TMEM135: variants seen among roughly 807,000 people sequenced by gnomAD.
TMEM135 encodes the protein peroxisomal membrane protein 52.
A neutral mutation model predicts 60.3 loss-of-function variants in TMEM135; 30 were observed. That is an observed-to-expected ratio of 0.50 (90% CI 0.37 to 0.68). TMEM135 has a LOEUF of 0.68. TMEM135 is among the 30% of genes least tolerant of loss of function. The pLI is 0.00. For missense variants in TMEM135, 468 were observed against 548.8 expected, an observed-to-expected ratio of 0.85 and a Z score of 1.47; for synonymous variants, 190 against 186.7, an observed-to-expected ratio of 1.02 and a Z score of -0.14.
At chr11:87,278,947 A>G (rs4337063) in intron 6 of TMEM135, among the ~76,000 whole-genome samples, 55,653 of 151,880 alleles carry the variant, frequency 0.37, 10,865 homozygotes, top group Non-Finnish European at 0.43. Flanking sequence ...CAGTGGAATC[A>G]TACAGTATGC....
intron 5 of TMEM135, among the ~76,000 whole-genome samples, chr11:87,230,739 T>A (rs558405891): frequency 6.6e-6 from 1 of 152,210 alleles, no homozygotes; most frequent in South Asian, 2.1e-4. Context: ...CTTTTTGCAG[T>A]GATGAGAATG....
chr11:87,126,743 A>G (rs1565452725), intron 4 of TMEM135, among the ~76,000 whole-genome samples: 3 of 152,148 alleles, frequency 2.0e-5, no homozygotes, highest in African/African-American at 4.8e-5. Context: ...CAAATGCTAT[A>G]GAAATACTAG....
intron 5 of TMEM135, among the ~76,000 whole-genome samples, chr11:87,208,534 C>A (rs948572193): frequency 6.6e-6 from 1 of 152,144 alleles, no homozygotes. Flanking sequence ...TTTTAAAAAA[C>A]AACACCTCTA....
chr11:87,222,181 CAAA>C (rs386374401), intron 5 of TMEM135, among the ~76,000 whole-genome samples: 2 of 55,476 alleles, frequency 3.6e-5, no homozygotes, highest in African/African-American at 6.2e-5. Context: ...GACTCTGTCT[CAAA>C]AAAAAAAAAA....
chr11:87,239,634 G>A (rs954388820), intron 6 of TMEM135, among the ~76,000 whole-genome samples: 1 of 151,986 alleles, frequency 6.6e-6, no homozygotes, highest in African/African-American at 2.4e-5. Context: ...TTGAGAAGAG[G>A]ATAGGGAAGA....
chr11:87,167,920 G>T (rs74802585), intron 5 of TMEM135, among the ~76,000 whole-genome samples: 1 of 151,990 alleles, frequency 6.6e-6, no homozygotes, highest in African/African-American at 2.4e-5. Flanking sequence ...TAGAATTCAG[G>T]TGTGAATCTG....
rs766415049 is a variant in TMEM135 at position 87,219,103 on chromosome 11, T to C, written c.463-17535T>C. Among the ~76,000 whole-genome samples, 65 of 152,358 alleles carry C rather than the reference T, an allele frequency of 4.3e-4. No individual in the cohort carries two copies. In the Middle Eastern group the frequency reaches 0.014, roughly 32 times the overall value. The stretch of plus-strand genomic sequence containing the variant: ...AATTAAAACATTAGAAATATTTACA[T>C]GCATTTATATGTAGCTAATTAGAGC... On this transcript the variant is annotated intron_variant, in intron 5 of 14. Coordinates refer to ENST00000305494, the MANE Select transcript of TMEM135 (RefSeq NM_022918.4).
intron 5 of TMEM135, among the ~76,000 whole-genome samples, chr11:87,169,465 C>T (rs1939167140): frequency 6.6e-6 from 1 of 151,746 alleles, no homozygotes; most frequent in Non-Finnish European, 1.5e-5. Context: ...ATATTTAGTG[C>T]TTCCTTCAGG....
At chr11:87,061,969 G>T (rs542344503) in intron 1 of TMEM135, among the ~76,000 whole-genome samples, 16 of 152,176 alleles carry the variant, frequency 1.1e-4, no homozygotes, top group African/African-American at 3.6e-4. Context: ...ACTCATGCCT[G>T]GAATATTTGT....
intron 6 of TMEM135, among the ~76,000 whole-genome samples, chr11:87,240,840 C>T (rs470149): frequency 6.6e-6 from 1 of 151,864 alleles, no homozygotes; most frequent in South Asian, 2.1e-4. Context: ...CTTTCCACAT[C>T]CCTTTGCAAA....
At chr11:87,241,629 A>G (rs778643503) in intron 6 of TMEM135, among the ~76,000 whole-genome samples, 19 of 152,008 alleles carry the variant, frequency 1.2e-4, no homozygotes, top group Admixed American at 5.9e-4. Context: ...TTTTGTACTC[A>G]TTAACAAACT....
intron 3 of TMEM135, among the ~76,000 whole-genome samples, chr11:87,076,192 GA>G (rs1169402164): frequency 6.6e-6 from 1 of 152,198 alleles, no homozygotes; most frequent in Non-Finnish European, 1.5e-5. Flanking sequence ...ATAGGAGTAA[GA>G]AAAGTTTGCC....
chr11:87,091,084 C>CA (rs1268748833), intron 3 of TMEM135, among the ~76,000 whole-genome samples: 2 of 151,888 alleles, frequency 1.3e-5, no homozygotes, highest in African/African-American at 4.8e-5. Flanking sequence ...TTGCCAATAA[C>CA]AAATAACAAT....
intron 5 of TMEM135, among the ~76,000 whole-genome samples, chr11:87,230,098 C>CGAG: frequency 6.6e-6 from 1 of 152,020 alleles, no homozygotes; most frequent in Non-Finnish European, 1.5e-5. Flanking sequence ...CCTTCCTCAT[C>CGAG]ATCCCTTAGT....
Position 87,323,975 on chromosome 11 carries a change from T to A in TMEM135, c.*2642T>A, listed in dbSNP as rs1245129097. ...TGCCTTCATTCGTTGTTTAGTCAGT[T>A]GTTATTTAATTTAGAATTTTATATT... On this transcript the variant is annotated 3_prime_UTR_variant, in exon 15 of 15. Coordinates refer to ENST00000305494, the MANE Select transcript of TMEM135 (RefSeq NM_022918.4). 4.4e-6 allele frequency: 2 copies of A among 453,848 alleles called. No homozygotes were observed. The highest frequency in any genetic ancestry group is 8.8e-6 in the Non-Finnish European group (2 of 226,774). 28.1% of individuals were successfully genotyped at this position (453,848 alleles called of 1,614,324 possible).
intron 5 of TMEM135, among the ~76,000 whole-genome samples, chr11:87,194,946 A>C (rs977481291): frequency 6.6e-6 from 1 of 152,210 alleles, no homozygotes; most frequent in Non-Finnish European, 1.5e-5. Flanking sequence ...TATGTTACTT[A>C]ATGAATGCTT....
intron 5 of TMEM135, among the ~76,000 whole-genome samples, chr11:87,196,385 A>C (rs1055421543): frequency 5.3e-5 from 8 of 152,258 alleles, no homozygotes; most frequent in African/African-American, 1.9e-4. Context: ...ATTTTAAAAA[A>C]AATTTCTAAG....
intron 6 of TMEM135, among the ~76,000 whole-genome samples, chr11:87,272,202 C>T (rs909096535): frequency 3.3e-5 from 5 of 151,114 alleles, no homozygotes; most frequent in East Asian, 4.0e-4. Flanking sequence ...TACAGGCACC[C>T]GCCACCACAC....
intron 1 of TMEM135, among the ~76,000 whole-genome samples, chr11:87,046,715 G>A (rs762493020): frequency 1.1e-4 from 17 of 152,156 alleles, no homozygotes; most frequent in Non-Finnish European, 1.9e-4. Flanking sequence ...GGGTTAGGTC[G>A]ACGAGGGAGA....
Sources: gnomAD v4.1 joint callset for allele counts (sites outside exome capture counted in the v4.1 genomes callset) on GRCh38, gnomAD v4.1.1 for gene constraint, MANE v1.5 for transcripts, NCBI Gene and HGNC (gene_info 2026-07-23, HGNC 2026-07-21) for gene names.